The following SV2C variants were observed in gnomAD, a reference collection of about 807,000 sequenced individuals.
SV2C encodes the protein synaptic vesicle glycoprotein 2C.
In SV2C, 49 loss-of-function variants were observed where a neutral mutation model predicts 79.7. The observed-to-expected ratio is 0.61, with a 90% CI of 0.49 to 0.78. The LOEUF is 0.78. SV2C is among the 30% of genes least tolerant of loss of function. The pLI, the probability that SV2C is intolerant of heterozygous loss-of-function variation, is 0.00. For missense variants in SV2C, 833 were observed against 912.9 expected (o/e 0.91, Z 1.13); for synonymous variants, 334 against 333.2 (o/e 1.00, Z -0.03).
intron 1 of SV2C, among the ~76,000 whole-genome samples, chr5:76,115,974 A>T (rs1203331493): frequency 6.6e-6 from 1 of 152,196 alleles, no homozygotes; most frequent in Non-Finnish European, 1.5e-5. Context: ...GGGGAGCAGC[A>T]TGGCCTATGC....
intron 1 of SV2C, among the ~76,000 whole-genome samples, chr5:76,104,416 C>G (rs1747839260): frequency 6.6e-6 from 1 of 152,124 alleles, no homozygotes; most frequent in Non-Finnish European, 1.5e-5. Flanking sequence ...CTATGTTGGC[C>G]AGGCTGGAAT....
intron 12 of SV2C, among the ~76,000 whole-genome samples, chr5:76,351,688 T>C (rs1749644416): frequency 6.6e-6 from 1 of 152,184 alleles, no homozygotes. Context: ...CTGCTGTTGG[T>C]CTTCTGTCCC....
intron 12 of SV2C, among the ~76,000 whole-genome samples, chr5:76,342,533 G>A (rs1479504072): frequency 6.6e-6 from 1 of 152,232 alleles, no homozygotes; most frequent in East Asian, 1.9e-4. Context: ...AGCCAACAGT[G>A]AATGTCTGGA....
upstream of SV2C, chr5:76,079,015 T>G (rs577965759): frequency 7.0e-6 from 3 of 429,592 alleles, no homozygotes; most frequent in East Asian, 1.7e-4. Context: ...ACCTGTAGTT[T>G]GAAGAGGGGC....
At chr5:75,889,840 A>C in the SV2C span, among the ~76,000 whole-genome samples, 8 of 152,038 alleles carry the variant, frequency 5.3e-5, no homozygotes, top group Admixed American at 3.3e-4. Context: ...AGCTTGTCCA[A>C]GGTGCCCACT....
chr5:76,238,478 T>A (rs1745686323), intron 4 of SV2C, among the ~76,000 whole-genome samples: 1 of 152,156 alleles, frequency 6.6e-6, no homozygotes, highest in Non-Finnish European at 1.5e-5. Context: ...TTTCTTTTTT[T>A]CTGTTGTTTT....
chr5:75,979,200 G>A, the SV2C span, among the ~76,000 whole-genome samples: 1 of 152,030 alleles, frequency 6.6e-6, no homozygotes, highest in Non-Finnish European at 1.5e-5. Context: ...AAATATATAT[G>A]CACCCAACAC....
At chr5:76,263,792 C>G (rs1746557153) in intron 4 of SV2C, among the ~76,000 whole-genome samples, 1 of 152,310 alleles carries the variant, frequency 6.6e-6, no homozygotes, top group Non-Finnish European at 1.5e-5. Flanking sequence ...TTGGCTCCCA[C>G]TCTCTTCCGG....
intron 4 of SV2C, among the ~76,000 whole-genome samples, chr5:76,213,120 A>G (rs1459663644): frequency 2.0e-5 from 3 of 152,232 alleles, no homozygotes; most frequent in Admixed American, 2.0e-4. Flanking sequence ...GAGTAATGTC[A>G]ATATGAAAAC....
At chr5:76,049,010 A>AGAAG in the SV2C span, among the ~76,000 whole-genome samples, 1 of 104,688 alleles carries the variant, frequency 9.6e-6, no homozygotes, top group Admixed American at 1.0e-4. Context: ...AAAGAAAGAA[A>AGAAG]GAAAGAAAGA....
chr5:76,022,597 A>C, the SV2C span, among the ~76,000 whole-genome samples: 4 of 152,156 alleles, frequency 2.6e-5, no homozygotes, highest in African/African-American at 9.7e-5. Context: ...TCTGTACCGG[A>C]TGCGGTAACA....
chr5:75,924,225 A>G, the SV2C span, among the ~76,000 whole-genome samples: 1 of 152,146 alleles, frequency 6.6e-6, no homozygotes, highest in South Asian at 2.1e-4. Context: ...CAAAGGCATA[A>G]GAGTGATATA....
intron 3 of SV2C, among the ~76,000 whole-genome samples, chr5:76,207,291 A>G (rs550345694): frequency 4.5e-4 from 68 of 152,346 alleles, no homozygotes; most frequent in South Asian, 2.3e-3. Flanking sequence ...TATTAAGAGG[A>G]TGTCCAGAGT....
intron 4 of SV2C, among the ~76,000 whole-genome samples, chr5:76,248,657 C>T (rs145224048): frequency 0.12 from 17,772 of 149,334 alleles, 1,209 homozygotes; most frequent in African/African-American, 0.18. Context: ...CTTGCTCTGT[C>T]ACCCAGGCTG....
the SV2C span, among the ~76,000 whole-genome samples, chr5:75,955,552 A>G: frequency 6.8e-6 from 1 of 146,850 alleles, no homozygotes; most frequent in African/African-American, 2.5e-5. Context: ...AATGGGATCT[A>G]ATTAAACTAA....
chr5:76,141,260 A>G (rs1749241903), intron 2 of SV2C, among the ~76,000 whole-genome samples: 1 of 152,170 alleles, frequency 6.6e-6, no homozygotes, highest in South Asian at 2.1e-4. Flanking sequence ...TGATAGGAAA[A>G]TATCCTTCTG....
At chr5:76,310,342 T>A (rs1161891117) in intron 12 of SV2C, among the ~76,000 whole-genome samples, 4 of 152,130 alleles carry the variant, frequency 2.6e-5, no homozygotes, top group Non-Finnish European at 5.9e-5. Flanking sequence ...AAAGCTGACA[T>A]TTGAGCAAAG....
the SV2C span, among the ~76,000 whole-genome samples, chr5:76,066,122 C>T: frequency 6.6e-6 from 1 of 152,078 alleles, no homozygotes; most frequent in Non-Finnish European, 1.5e-5. Context: ...GATTATAAAT[C>T]ATGCTGCTAT....
the SV2C span, among the ~76,000 whole-genome samples, chr5:75,962,726 T>A: frequency 1.3e-5 from 2 of 152,088 alleles, no homozygotes; most frequent in Admixed American, 1.3e-4. Flanking sequence ...ACCCTGGACA[T>A]GGGATGTATT....
Sources: allele counts gnomAD v4.1 joint callset (sites outside exome capture counted in the v4.1 genomes callset), GRCh38; gene constraint gnomAD v4.1.1; transcripts MANE v1.5; gene names NCBI Gene and HGNC (gene_info 2026-07-23, HGNC 2026-07-21).